The following ENTPD1 variants were observed in gnomAD, a reference collection of about 807,000 sequenced individuals.
The protein encoded by ENTPD1 is ectonucleoside triphosphate diphosphohydrolase 1, also known as ATP diphosphohydrolase.
ENTPD1 carries 33 observed loss-of-function variants against 57.0 expected under a neutral mutation model. The observed-to-expected ratio is 0.58, with a 90% CI of 0.44 to 0.77. The LOEUF (loss-of-function observed/expected upper bound fraction) is 0.77. Among genes scored for constraint, ENTPD1 ranks in the 30% least tolerant of loss-of-function variants. The pLI, the probability that ENTPD1 is intolerant of heterozygous loss-of-function variation, is 0.00. For missense variants in ENTPD1, 501 were observed against 603.4 expected, an observed-to-expected ratio of 0.83 and a Z score of 1.78; for synonymous variants, 202 against 218.8, an observed-to-expected ratio of 0.92 and a Z score of 0.68.
At chr10:95,821,996 C>CTTTTTT (rs71034351) in intron 1 of ENTPD1, among the ~76,000 whole-genome samples, 7 of 92,912 alleles carry the variant, frequency 7.5e-5, no homozygotes, top group Non-Finnish European at 1.0e-4. Flanking sequence ...TAGCTTTTGC[C>CTTTTTT]TTTTTTTTTT....
In ENTPD1 at chr10:95,874,322, T is replaced by C. The variant is rs906228980; in HGVS notation, c.*7939T>C. Among the ~76,000 whole-genome samples, 7 of 152,196 alleles carry C rather than the reference T, an allele frequency of 4.6e-5. 1 individual carries two copies. The highest frequency in any genetic ancestry group is 8.8e-5 in the Non-Finnish European group (6 of 68,028). ...CAAAACAAAGGGGTTACAGGGTCCATGCAAGTCTGAAATCCAGTGGGGCAG... is the reference window on the plus strand; with the variant it reads ...CAAAACAAAGGGGTTACAGGGTCCACGCAAGTCTGAAATCCAGTGGGGCAG... On this transcript the variant is annotated 3_prime_UTR_variant, in exon 10 of 10. Transcript: ENST00000371205.
chr10:95,710,814 C>A (rs1301286684), upstream of ENTPD1, among the ~76,000 whole-genome samples: 3 of 152,152 alleles, frequency 2.0e-5, no homozygotes, highest in African/African-American at 7.2e-5. Context: ...GACTCTATGG[C>A]AGAAACTGTT....
chr10:95,732,168 A>G (rs1191292014), intron 1 of ENTPD1, among the ~76,000 whole-genome samples: 1 of 152,134 alleles, frequency 6.6e-6, no homozygotes, highest in African/African-American at 2.4e-5. Context: ...TAAATGATTG[A>G]CAACAATACT....
chr10:95,855,448 T>C (rs1459665402), intron 7 of ENTPD1, among the ~76,000 whole-genome samples: 1 of 152,128 alleles, frequency 6.6e-6, no homozygotes, highest in Non-Finnish European at 1.5e-5. Context: ...TTAAGGTTAA[T>C]ATTGTTATGT....
Position 95,876,035 on chromosome 10 carries a change from A to C in ENTPD1, c.*9652A>C, listed in dbSNP as rs1449132896. 1 of 985,316 alleles carries C rather than the reference A, an allele frequency of 1.0e-6. No homozygotes were observed. The highest frequency in any genetic ancestry group is 1.7e-5 in the African/African-American group (1 of 57,240). 61.0% of individuals were successfully genotyped at this position (985,316 alleles called of 1,614,324 possible). On this transcript the variant is annotated 3_prime_UTR_variant, in exon 10 of 10. Transcript: ENST00000371205. ...GCTATATGACACAATAATTATTTGC[A>C]AAATGAGTAAACATATCATAAGGAA...
At chr10:95,739,115 T>C (rs1255292384) in intron 1 of ENTPD1, among the ~76,000 whole-genome samples, 2 of 152,244 alleles carry the variant, frequency 1.3e-5, no homozygotes, top group Admixed American at 6.5e-5. Flanking sequence ...TTAAAAATGC[T>C]AATGATCATC....
At chr10:95,754,305 G>C (rs1174440720), upstream of ENTPD1, 1 of 113,706 alleles carries the variant, frequency 8.8e-6, no homozygotes, top group African/African-American at 3.4e-5. Flanking sequence ...TAAAACTCTT[G>C]TCTCAAAAAA....
upstream of ENTPD1, chr10:95,755,955 T>G: frequency 6.8e-7 from 1 of 1,470,328 alleles, no homozygotes; most frequent in Non-Finnish European, 9.0e-7. Flanking sequence ...TGAATATACA[T>G]TGCTTCAAGG....
At chr10:95,710,528 T>C (rs77891676), upstream of ENTPD1, among the ~76,000 whole-genome samples, 632 of 152,320 alleles carry the variant, frequency 4.1e-3, 7 homozygotes, top group East Asian at 0.013. Flanking sequence ...AGAAAACAAA[T>C]GTTTAGTAGC....
At chr10:95,759,140 T>C (rs559720302) in intron 1 of ENTPD1, among the ~76,000 whole-genome samples, 2 of 152,346 alleles carry the variant, frequency 1.3e-5, no homozygotes, top group South Asian at 4.1e-4. Flanking sequence ...TTATTTTAGC[T>C]GATGCTCATT....
Position 95,864,708 on chromosome 10 carries a change from CTCACT to C in ENTPD1, c.1189-8_1189-4del. On this transcript the variant is annotated splice_polypyrimidine_tract_variant and intron_variant, in intron 8 of 9. Transcript: ENST00000371205. Reference sequence around the variant, plus strand: ...CCTATCATACGAGTATGATCTCCCCCTCACTTCACTTCTAGATAAAAACATCTTAC... The same window carrying C: ...CCTATCATACGAGTATGATCTCCCCCTCACTTCTAGATAAAAACATCTTAC... 6.2e-7 allele frequency: 1 copy of C among 1,614,086 alleles called. No individual in the cohort carries two copies. The highest frequency in any genetic ancestry group is 8.5e-7 in the Non-Finnish European group (1 of 1,180,022).
chr10:95,849,962 A>G (rs895266086), intron 7 of ENTPD1, among the ~76,000 whole-genome samples: 1 of 152,208 alleles, frequency 6.6e-6, no homozygotes. Context: ...TTGTGTCTTG[A>G]GTTTGTAACT....
intron 2 of ENTPD1, among the ~76,000 whole-genome samples, chr10:95,836,127 TTGGCTGTAAGTGTA>T (rs945637409): frequency 6.6e-6 from 1 of 152,164 alleles, no homozygotes; most frequent in Non-Finnish European, 1.5e-5. Flanking sequence ...CAAAGATCAG[TTGGCTGTAAGTGTA>T]TGGCTTTATT....
chr10:95,865,950 A>C (rs2098473659), intron 9 of ENTPD1, among the ~76,000 whole-genome samples: 1 of 152,068 alleles, frequency 6.6e-6, no homozygotes, highest in Admixed American at 6.6e-5. Context: ...TTTTTTAGAG[A>C]GACAGGGTCT....
intron 1 of ENTPD1, among the ~76,000 whole-genome samples, chr10:95,793,376 G>T (rs1366613153): frequency 6.6e-6 from 1 of 152,166 alleles, no homozygotes; most frequent in East Asian, 1.9e-4. Flanking sequence ...CTAAAATTAT[G>T]GGGAAAAGGC....
intron 1 of ENTPD1, among the ~76,000 whole-genome samples, chr10:95,815,527 G>A (rs931364798): frequency 7.9e-5 from 12 of 152,124 alleles, no homozygotes; most frequent in African/African-American, 2.9e-4. Flanking sequence ...AATGAGATTG[G>A]CTACCACATA....
chr10:95,866,753 G>T lies in ENTPD1; in HGVS notation c.*370G>T, dbSNP rs776643918. The T allele has an allele frequency of 5.3e-6, 6 of 1,130,390 alleles. No individual in the cohort carries two copies. Among genetic ancestry groups the T allele is most frequent in the Non-Finnish European group, 6.6e-6 (6 of 914,942 alleles). 70.0% of individuals were successfully genotyped at this position (1,130,390 alleles called of 1,614,324 possible). A position where few individuals can be genotyped will look rare whatever the true frequency, so the allele number is the denominator to read the frequency against. ...CCTGTGATAGGAGGCTGAGCTGGCT[G>T]AAAGAAGAATCTCAGGAACTGGTTC... is the stretch of plus-strand genomic sequence containing the variant. On this transcript the variant is annotated 3_prime_UTR_variant, in exon 10 of 10. Transcript: ENST00000371205.
intron 2 of ENTPD1, among the ~76,000 whole-genome samples, chr10:95,835,020 G>A (rs1454626595): frequency 1.3e-5 from 2 of 152,168 alleles, no homozygotes; most frequent in African/African-American, 4.8e-5. Context: ...TGAGGTTTGG[G>A]CTTCTAATGA....
chr10:95,752,610 T>C (rs2139907120), upstream of ENTPD1, among the ~76,000 whole-genome samples: 1 of 152,240 alleles, frequency 6.6e-6, no homozygotes, highest in Admixed American at 6.5e-5. Flanking sequence ...TGAGCCGAGA[T>C]GCTGAGATCG....
Sources: allele counts gnomAD v4.1 joint callset (sites outside exome capture counted in the v4.1 genomes callset), GRCh38; gene constraint gnomAD v4.1.1; transcripts MANE v1.5; gene names NCBI Gene and HGNC (gene_info 2026-07-23, HGNC 2026-07-21).